Variants in GTF2F2 observed in about 807,000 individuals in gnomAD.
GTF2F2 encodes the protein ATP-dependent helicase GTF2F2.
A neutral mutation model predicts 42.2 loss-of-function variants in GTF2F2; 23 were observed. The observed-to-expected ratio is 0.55, with a 90% confidence interval of 0.39 to 0.77. The LOEUF (loss-of-function observed/expected upper bound fraction) is 0.77, where lower values mean the gene tolerates loss of function less well. Among genes scored for constraint, GTF2F2 ranks in the 30% least tolerant of loss-of-function variants. The probability of loss-of-function intolerance (pLI) is 0.00; values close to 1 mark genes in which losing one functional copy is unlikely to be tolerated. For synonymous variants in GTF2F2, 105 were observed against 100.8 expected, an observed-to-expected ratio of 1.04 and a Z score of -0.25; for missense variants, 261 against 287.2, an observed-to-expected ratio of 0.91 and a Z score of 0.66.
intron 2 of GTF2F2, among the ~76,000 whole-genome samples, chr13:45,141,391 C>T (rs902129682): frequency 6.6e-6 from 1 of 152,192 alleles, no homozygotes; most frequent in Non-Finnish European, 1.5e-5. Context: ...AGTTGCTAAT[C>T]CACATAGGGT....
At chr13:45,167,446 G>A (rs1238715175) in intron 4 of GTF2F2, among the ~76,000 whole-genome samples, 2 of 143,946 alleles carry the variant, frequency 1.4e-5, no homozygotes, top group African/African-American at 5.2e-5. Context: ...TCACCAGGCT[G>A]GAGTGCAGTG....
intron 4 of GTF2F2, among the ~76,000 whole-genome samples, chr13:45,185,676 A>G (rs1872386281): frequency 6.6e-6 from 1 of 152,216 alleles, no homozygotes; most frequent in African/African-American, 2.4e-5. Context: ...ATATATGCAT[A>G]TTCCAGAACA....
At chr13:45,228,039 C>T (rs1358829561) in intron 5 of GTF2F2, among the ~76,000 whole-genome samples, 1 of 152,096 alleles carries the variant, frequency 6.6e-6, no homozygotes, top group Non-Finnish European at 1.5e-5. Flanking sequence ...CCCACCCCTC[C>T]TGTAGGTTGT....
At chr13:45,162,416 C>A (rs547641941) in intron 4 of GTF2F2, among the ~76,000 whole-genome samples, 184 of 152,332 alleles carry the variant, frequency 1.2e-3, no homozygotes, top group Non-Finnish European at 1.9e-3. Flanking sequence ...CAGCTTCTGA[C>A]AATCTTATAC....
intron 1 of GTF2F2, among the ~76,000 whole-genome samples, chr13:45,128,432 G>A (rs1280083171): frequency 1.3e-5 from 2 of 150,596 alleles, no homozygotes; most frequent in Admixed American, 1.3e-4. Flanking sequence ...AATTAGCTGG[G>A]CATGGTGGCG....
chr13:45,132,601 GA>G lies in GTF2F2; in HGVS notation c.67-4131del, dbSNP rs564953379. Reference sequence around the variant, plus strand: ...CCCATTACTTTTGCCCTGAGTCACAGATACTAAGGGTGTACTTGAAGGAAAT... The same window carrying G: ...CCCATTACTTTTGCCCTGAGTCACAGTACTAAGGGTGTACTTGAAGGAAAT... On this transcript the variant is annotated intron_variant, in intron 1 of 7. Coordinates refer to ENST00000340473, the MANE Select transcript of GTF2F2 (RefSeq NM_004128.3). Among the ~76,000 whole-genome samples the G allele has an allele frequency of 5.0e-3, 756 of 152,272 alleles. 8 individuals carry two copies. The highest frequency in any genetic ancestry group is 0.017 in the African/African-American group (717 of 41,550).
At chr13:45,146,727 TGAGAAA>T (rs1181211229) in intron 2 of GTF2F2, among the ~76,000 whole-genome samples, 19 of 152,172 alleles carry the variant, frequency 1.2e-4, no homozygotes, top group South Asian at 4.1e-4. Flanking sequence ...TGTGGGGTAT[TGAGAAA>T]TAGACTCAGA....
At chr13:45,271,173 TC>T in intron 7 of GTF2F2, among the ~76,000 whole-genome samples, 1 of 151,728 alleles carries the variant, frequency 6.6e-6, no homozygotes, top group East Asian at 2.0e-4. Flanking sequence ...GCCCCTGTAG[TC>T]CCAGCTACTC....
chr13:45,208,722 A>G (rs1873517918), intron 5 of GTF2F2, among the ~76,000 whole-genome samples: 1 of 152,184 alleles, frequency 6.6e-6, no homozygotes, highest in South Asian at 2.1e-4. Context: ...TGTCAATTAG[A>G]TTAGACTGTC....
At position 45,144,947 on chromosome 13, in the gene GTF2F2, C is replaced by T. The variant is rs985122460; in HGVS notation, c.141-4823C>T. Reference sequence around the variant, plus strand: ...GTATATAACTTACACAACATGCACACATATTCCTGCTCAAAACAACATAGA... The same window carrying T: ...GTATATAACTTACACAACATGCACATATATTCCTGCTCAAAACAACATAGA... On this transcript the variant is annotated intron_variant, in intron 2 of 7. Coordinates refer to ENST00000340473, the MANE Select transcript of GTF2F2 (RefSeq NM_004128.3). 5.3e-5 allele frequency among the ~76,000 whole-genome samples: 8 copies of T among 152,136 alleles called. 1 individual carries two copies.
intron 5 of GTF2F2, among the ~76,000 whole-genome samples, chr13:45,216,498 CAA>C (rs2138200041): frequency 6.6e-6 from 1 of 151,974 alleles, no homozygotes; most frequent in South Asian, 2.1e-4. Flanking sequence ...CTTTTTTAAT[CAA>C]AGTCTTGTGT....
intron 4 of GTF2F2, among the ~76,000 whole-genome samples, chr13:45,156,435 T>A (rs1870758763): frequency 6.6e-6 from 1 of 152,248 alleles, no homozygotes; most frequent in Non-Finnish European, 1.5e-5. Context: ...CTTTTACCTG[T>A]CATCCTCTGT....
At chr13:45,171,614 A>G (rs1408681852) in intron 4 of GTF2F2, among the ~76,000 whole-genome samples, 1 of 152,228 alleles carries the variant, frequency 6.6e-6, no homozygotes. Flanking sequence ...TTAAAAAATT[A>G]CAGCTTTATT....
At chr13:45,258,504 C>A (rs1365801532) in intron 6 of GTF2F2, among the ~76,000 whole-genome samples, 5 of 152,202 alleles carry the variant, frequency 3.3e-5, no homozygotes, top group Non-Finnish European at 5.9e-5. Context: ...ACCACCAAGG[C>A]TAGAGTTGAA....
rs1868563699 is a variant in GTF2F2 at position 45,120,533 on chromosome 13, G to A, written c.-123G>A. 10 of 691,922 alleles carry A rather than the reference G, an allele frequency of 1.4e-5. No homozygotes were observed. The highest frequency in any genetic ancestry group is 2.5e-6 in the Non-Finnish European group (1 of 392,768). 42.9% of individuals were successfully genotyped at this position (691,922 alleles called of 1,614,324 possible). On this transcript the variant is annotated 5_prime_UTR_variant, in exon 1 of 8. Transcript: ENST00000340473. ...TCCTCGGTTCCCAGTGTTCTGGCAG[G>A]TAAGGAACGCCGGCTCTTCGCCTCT...
chr13:45,213,466 CT>C (rs1327458706), intron 5 of GTF2F2, among the ~76,000 whole-genome samples: 5 of 152,276 alleles, frequency 3.3e-5, no homozygotes, highest in Admixed American at 1.3e-4. Context: ...GGAAAACCTC[CT>C]TATAGTTTCT....
intron 5 of GTF2F2, chr13:45,220,784 G>C (rs1874074950): frequency 6.6e-6 from 1 of 152,116 alleles, no homozygotes; most frequent in Admixed American, 6.5e-5. Flanking sequence ...TTTACTCTGA[G>C]GGGGGTTCCT....
intron 7 of GTF2F2, among the ~76,000 whole-genome samples, chr13:45,276,593 T>G (rs1344141301): frequency 2.0e-5 from 3 of 152,134 alleles, no homozygotes; most frequent in African/African-American, 7.2e-5. Flanking sequence ...CCTGACACCA[T>G]GCCTGGCCAA....
intron 4 of GTF2F2, among the ~76,000 whole-genome samples, chr13:45,174,654 T>TTTTTA (rs2138148744): frequency 6.7e-6 from 1 of 150,020 alleles, no homozygotes; most frequent in African/African-American, 2.4e-5. Context: ...TTTTTTTTTT[T>TTTTTA]TAGAAATAAT....
Sources: allele counts gnomAD v4.1 joint callset (sites outside exome capture counted in the v4.1 genomes callset), GRCh38; gene constraint gnomAD v4.1.1; transcripts MANE v1.5; gene names NCBI Gene and HGNC (gene_info 2026-07-23, HGNC 2026-07-21).